Variants in CREB5 observed in about 807,000 individuals in gnomAD.
CREB5 encodes the protein cAMP responsive element binding protein 5, also known as cyclic AMP-responsive element-binding protein 5.
A neutral mutation model predicts 57.1 loss-of-function variants in CREB5; 19 were observed. The ratio of observed to expected loss-of-function variants is 0.33; its 90% confidence interval spans 0.23 to 0.49. The LOEUF is 0.49. CREB5 is among the 20% of genes least tolerant of loss of function. The pLI, the probability that CREB5 is intolerant of heterozygous loss-of-function variation, is 0.99. For synonymous variants in CREB5, 238 were observed against 238.3 expected (o/e 1.00, Z 0.01); for missense variants, 579 against 671.6 (o/e 0.86, Z 1.52).
intron 5 of CREB5, among the ~76,000 whole-genome samples, chr7:28,651,012 A>G (rs542998642): frequency 6.6e-6 from 1 of 152,312 alleles, no homozygotes; most frequent in African/African-American, 2.4e-5. Context: ...CAGCAATCCA[A>G]CATTGGCAGT....
chr7:28,408,128 G>C (rs1030395994), upstream of CREB5, among the ~76,000 whole-genome samples: 3 of 152,120 alleles, frequency 2.0e-5, no homozygotes, highest in African/African-American at 7.2e-5. Flanking sequence ...GGATTGAGTT[G>C]GGCCCAGTGC....
chr7:28,329,098 T>C (rs921432096), intron 1 of CREB5, among the ~76,000 whole-genome samples: 2 of 152,216 alleles, frequency 1.3e-5, no homozygotes, highest in Non-Finnish European at 2.9e-5. Context: ...ATCTCACTGG[T>C]TCATTCTGTA....
At chr7:28,728,688 C>T (rs776179140) in intron 7 of CREB5, among the ~76,000 whole-genome samples, 15 of 152,134 alleles carry the variant, frequency 9.9e-5, no homozygotes, top group South Asian at 2.1e-4. Flanking sequence ...ATCTTTGCAT[C>T]GTGCAAGCTC....
intron 5 of CREB5, among the ~76,000 whole-genome samples, chr7:28,647,204 C>T (rs542147031): frequency 6.6e-6 from 1 of 151,256 alleles, no homozygotes; most frequent in South Asian, 2.1e-4. Context: ...GGCTTGCCAG[C>T]ACTGGCCACT....
At chr7:28,520,925 T>A (rs1333464399) in intron 4 of CREB5, among the ~76,000 whole-genome samples, 3 of 152,208 alleles carry the variant, frequency 2.0e-5, no homozygotes, top group Non-Finnish European at 4.4e-5. Context: ...CATATGCTGA[T>A]TTTTTTGCAT....
At chr7:28,692,359 G>A (rs527631064) in intron 5 of CREB5, among the ~76,000 whole-genome samples, 1 of 152,286 alleles carries the variant, frequency 6.6e-6, no homozygotes, top group Admixed American at 6.5e-5. Context: ...CATTTTGGGA[G>A]GCCAAGGCAG....
chr7:28,382,669 C>T (rs975045658), intron 1 of CREB5, among the ~76,000 whole-genome samples: 11 of 151,988 alleles, frequency 7.2e-5, no homozygotes, highest in Non-Finnish European at 1.2e-4. Context: ...CCGTCAGCCC[C>T]GGTTGGTGCT....
chr7:28,507,547 C>G, intron 3 of CREB5, 69 bp from the exon 4 acceptor site: 2 of 1,537,346 alleles, frequency 1.3e-6, no homozygotes, highest in East Asian at 2.3e-5. Flanking sequence ...ATTAGTGAAT[C>G]TAGCTCATGC....
intron 5 of CREB5, among the ~76,000 whole-genome samples, chr7:28,611,671 CCTAAATAAATAA>C (rs1044555223): frequency 1.1e-4 from 12 of 112,998 alleles, no homozygotes; most frequent in African/African-American, 3.7e-4. Flanking sequence ...GACTCTGTCT[CCTAAATAAATAA>C]ATAAATAAAT....
intron 1 of CREB5, among the ~76,000 whole-genome samples, chr7:28,416,592 G>A (rs962613699): frequency 2.6e-5 from 4 of 152,138 alleles, no homozygotes; most frequent in Non-Finnish European, 5.9e-5. Context: ...GGTCTGATTT[G>A]CCTCACTGCA....
intron 1 of CREB5, among the ~76,000 whole-genome samples, chr7:28,479,216 G>A (rs2128588406): frequency 6.6e-6 from 1 of 152,266 alleles, no homozygotes; most frequent in African/African-American, 2.4e-5. Flanking sequence ...TATTCTTGCA[G>A]AAGCCACACT....
chr7:28,628,685 G>T (rs1030137178), intron 5 of CREB5, among the ~76,000 whole-genome samples: 1 of 152,148 alleles, frequency 6.6e-6, no homozygotes, highest in East Asian at 1.9e-4. Context: ...CAGCATCCAA[G>T]GTGCTAGAGA....
chr7:28,818,075 A>T lies in CREB5; in HGVS notation c.1259A>T (p.Glu420Val). The change falls in exon 10 of 11, where the codon GAA becomes GTA. Residue 420 changes from glutamate to valine, a missense_variant. Physicochemically the swap from Glu to Val is moderately radical, Grantham distance 121 (BLOSUM62 -2). This residue lies in a region of CREB5 where 114 missense variants were observed against 130.8 expected (regional missense o/e 0.87). Transcript: ENST00000357727. The stretch of plus-strand genomic sequence containing the variant: ...TTTAATACATATCTCTTTTAGAATG[A>T]AGTGTCTATGTTGAAAAATGAGGTG... ...LTQTNMQLQNEVSMLKNEVAQ... is the reference protein window; with the variant it reads ...LTQTNMQLQNVVSMLKNEVAQ... 1 of 1,612,546 alleles carries T rather than the reference A, an allele frequency of 6.2e-7. No individual in the cohort carries two copies. The highest frequency in any genetic ancestry group is 8.5e-7 in the Non-Finnish European group (1 of 1,178,914).
intron 7 of CREB5, among the ~76,000 whole-genome samples, chr7:28,803,778 ATT>A (rs1808522376): frequency 7.4e-6 from 1 of 135,298 alleles, no homozygotes. Flanking sequence ...AAAAAAAAAA[ATT>A]AAATACAGTA....
In CREB5 at chr7:28,525,850, C is replaced by T. The variant is rs548868153; in HGVS notation, c.291+18113C>T. ...CTAACACTCTAAGCCTCAGTCTTCT[C>T]ATCTGTAAAATGGCAATAATAATTA... On this transcript the variant is annotated intron_variant, in intron 4 of 10. Coordinates refer to ENST00000357727, the MANE Select transcript of CREB5 (RefSeq NM_182898.4). 2.6e-5 allele frequency among the ~76,000 whole-genome samples: 4 copies of T among 152,248 alleles called. No individual in the cohort carries two copies. The South Asian group carries it at 8.3e-4, about 32-fold the overall frequency.
At chr7:28,795,841 C>T (rs1195455375) in intron 7 of CREB5, among the ~76,000 whole-genome samples, 5 of 151,460 alleles carry the variant, frequency 3.3e-5, no homozygotes, top group Non-Finnish European at 5.9e-5. Flanking sequence ...CAACCTCCAC[C>T]GCCCGGAATT....
intron 7 of CREB5, among the ~76,000 whole-genome samples, chr7:28,770,628 A>G (rs945588068): frequency 6.6e-6 from 1 of 152,222 alleles, no homozygotes; most frequent in African/African-American, 2.4e-5. Flanking sequence ...AGTTACATCA[A>G]TGATCATGCT....
intron 5 of CREB5, among the ~76,000 whole-genome samples, chr7:28,597,213 A>G (rs1796718901): frequency 6.6e-6 from 1 of 152,208 alleles, no homozygotes; most frequent in Non-Finnish European, 1.5e-5. Context: ...TTGGATAAAA[A>G]TGTGAGTTGC....
Position 28,698,139 on chromosome 7 carries a change from G to A in CREB5, c.465-20614G>A, listed in dbSNP as rs543817771. Among the ~76,000 whole-genome samples, 17 of 152,146 alleles carry A rather than the reference G, an allele frequency of 1.1e-4. No homozygotes were observed. In the East Asian group the frequency reaches 3.3e-3, roughly 29 times the overall value. On this transcript the variant is annotated intron_variant, in intron 5 of 10. Transcript: ENST00000357727. The stretch of plus-strand genomic sequence containing the variant: ...AGGGGGGAAAGTGCTTGGCAAGATG[G>A]ATTTCAGGTTTGTGCCAAACCTCAA...
Sources: allele counts gnomAD v4.1 joint callset (sites outside exome capture counted in the v4.1 genomes callset), GRCh38; gene constraint gnomAD v4.1.1; regional missense constraint gnomAD v4.1.1; transcripts MANE v1.5; gene names NCBI Gene and HGNC (gene_info 2026-07-23, HGNC 2026-07-21).